KCNAB1: variants seen among roughly 807,000 people sequenced by gnomAD.
The protein encoded by KCNAB1 is potassium voltage-gated channel subfamily A regulatory beta subunit 1, also known as voltage-gated potassium channel subunit beta-1.
A neutral mutation model predicts 64.6 loss-of-function variants in KCNAB1; 35 were observed. The ratio of observed to expected loss-of-function variants is 0.54; its 90% CI spans 0.41 to 0.72. KCNAB1 has a LOEUF of 0.72. Among genes scored for constraint, KCNAB1 ranks in the 30% least tolerant of loss-of-function variants. The pLI, the probability that KCNAB1 is intolerant of heterozygous loss-of-function variation, is 0.00. For missense variants in KCNAB1, 401 were observed against 512.9 expected, an observed-to-expected ratio of 0.78 and a Z score of 2.11; for synonymous variants, 177 against 183.8, an observed-to-expected ratio of 0.96 and a Z score of 0.30.
intron 1 of KCNAB1, among the ~76,000 whole-genome samples, chr3:156,250,117 A>C (rs1717734560): frequency 6.6e-6 from 1 of 152,158 alleles, no homozygotes; most frequent in Non-Finnish European, 1.5e-5. Flanking sequence ...GCATCTTTGA[A>C]AGCTATTAGG....
At chr3:156,511,270 A>G (rs1717191069) in intron 8 of KCNAB1, among the ~76,000 whole-genome samples, 1 of 151,510 alleles carries the variant, frequency 6.6e-6, no homozygotes, top group Admixed American at 6.6e-5. Context: ...CGCCCGGCTA[A>G]TTTTCTGTAT....
At chr3:156,245,994 GC>G (rs1247986046) in intron 1 of KCNAB1, among the ~76,000 whole-genome samples, 1 of 151,794 alleles carries the variant, frequency 6.6e-6, no homozygotes, top group Non-Finnish European at 1.5e-5. Flanking sequence ...AAGACTAACA[GC>G]ATTTAAAAAG....
intron 13 of KCNAB1, among the ~76,000 whole-genome samples, chr3:156,535,577 C>T (rs994357281): frequency 2.0e-5 from 3 of 152,122 alleles, no homozygotes; most frequent in Non-Finnish European, 4.4e-5. Flanking sequence ...GTGGATATTC[C>T]ACAGGCACTT....
intron 1 of KCNAB1, among the ~76,000 whole-genome samples, chr3:156,249,858 A>G (rs1365731650): frequency 6.6e-6 from 1 of 152,234 alleles, no homozygotes; most frequent in Non-Finnish European, 1.5e-5. Context: ...CACTATGGAA[A>G]GGGGAGCACA....
intron 1 of KCNAB1, among the ~76,000 whole-genome samples, chr3:156,308,379 G>A (rs553702158): frequency 2.0e-4 from 31 of 152,300 alleles, no homozygotes; most frequent in African/African-American, 2.6e-4. Flanking sequence ...GATATTATCC[G>A]ACTTGGGCTT....
intron 1 of KCNAB1, among the ~76,000 whole-genome samples, chr3:156,145,018 G>A (rs1415675224): frequency 2.0e-5 from 3 of 152,154 alleles, no homozygotes; most frequent in Non-Finnish European, 2.9e-5. Context: ...CTGCTTGAGG[G>A]GAGCAGTCAT....
At chr3:156,140,314 G>A (rs1714633602) in intron 1 of KCNAB1, among the ~76,000 whole-genome samples, 1 of 152,084 alleles carries the variant, frequency 6.6e-6, no homozygotes, top group Non-Finnish European at 1.5e-5. Context: ...CTTAGTTCAG[G>A]CTGTTACCAT....
At chr3:156,467,399 A>T (rs1713496243) in intron 7 of KCNAB1, among the ~76,000 whole-genome samples, 1 of 152,138 alleles carries the variant, frequency 6.6e-6, no homozygotes, top group Non-Finnish European at 1.5e-5. Context: ...TCTCCTTTTT[A>T]AAAAATATTT....
chr3:156,301,088 G>A (rs887054551), intron 1 of KCNAB1, among the ~76,000 whole-genome samples: 4 of 152,170 alleles, frequency 2.6e-5, no homozygotes, highest in Non-Finnish European at 4.4e-5. Flanking sequence ...CATATCTACT[G>A]GAAAGCCCAT....
chr3:156,132,503 C>T (rs1007694237), intron 1 of KCNAB1, among the ~76,000 whole-genome samples: 3 of 152,174 alleles, frequency 2.0e-5, no homozygotes, highest in Non-Finnish European at 2.9e-5. Context: ...TATTCCTCCC[C>T]CATTCCATTG....
At chr3:156,157,725 G>GATA (rs1391117693) in intron 1 of KCNAB1, among the ~76,000 whole-genome samples, 2 of 151,944 alleles carry the variant, frequency 1.3e-5, no homozygotes, top group African/African-American at 4.8e-5. Context: ...AAATAACATA[G>GATA]ATATTATGCT....
rs1717418133 is a variant in KCNAB1, at chr3:156,245,774, A to G, written c.275+124888A>G. 2.6e-5 allele frequency among the ~76,000 whole-genome samples: 4 copies of G among 152,228 alleles called. No homozygotes were observed. In the South Asian group the frequency reaches 8.3e-4, roughly 32 times the overall value. ...TGCCCATGGACTGTAGGGTCAGCTA[A>G]CAAGGCTCTTTGTTTAGCTCACTGT... On this transcript the variant is annotated intron_variant, in intron 1 of 13. Transcript: ENST00000490337.
intron 1 of KCNAB1, among the ~76,000 whole-genome samples, chr3:156,350,229 A>T (rs1197128435): frequency 1.3e-5 from 2 of 152,184 alleles, no homozygotes; most frequent in African/African-American, 2.4e-5. Context: ...CAGATAAATG[A>T]GATAAAAAGC....
chr3:156,217,426 A>C (rs1715396420), intron 1 of KCNAB1, among the ~76,000 whole-genome samples: 1 of 152,260 alleles, frequency 6.6e-6, no homozygotes, highest in South Asian at 2.1e-4. Context: ...TACGAAAAAA[A>C]ATCATTTCCC....
intron 8 of KCNAB1, among the ~76,000 whole-genome samples, chr3:156,479,550 G>C (rs1434001039): frequency 6.6e-6 from 1 of 152,102 alleles, no homozygotes; most frequent in Non-Finnish European, 1.5e-5. Flanking sequence ...GTATAAGCCT[G>C]TACCACTTGT....
At chr3:156,357,627 C>A (rs1415153084) in intron 1 of KCNAB1, among the ~76,000 whole-genome samples, 1 of 151,958 alleles carries the variant, frequency 6.6e-6, no homozygotes, top group Non-Finnish European at 1.5e-5. Context: ...TTTAAGTTTT[C>A]TAGTAGCTGT....
At chr3:156,497,537 A>G (rs1214844523) in intron 8 of KCNAB1, among the ~76,000 whole-genome samples, 1 of 152,244 alleles carries the variant, frequency 6.6e-6, no homozygotes, top group African/African-American at 2.4e-5. Flanking sequence ...AAATCTCTAG[A>G]CAGGATAATA....
At chr3:156,302,467 T>A (rs537031682) in intron 1 of KCNAB1, among the ~76,000 whole-genome samples, 1 of 152,196 alleles carries the variant, frequency 6.6e-6, no homozygotes, top group South Asian at 2.1e-4. Context: ...TCCCCAACAC[T>A]TTTTCTAGAA....
At chr3:156,430,268 G>A (rs752847270) in intron 2 of KCNAB1, among the ~76,000 whole-genome samples, 23 of 152,152 alleles carry the variant, frequency 1.5e-4, no homozygotes, top group Non-Finnish European at 2.2e-4. Flanking sequence ...GGGAGAACTC[G>A]AGGAGAGAAA....
Sources: gnomAD v4.1 joint callset for allele counts (sites outside exome capture counted in the v4.1 genomes callset) on GRCh38, gnomAD v4.1.1 for gene constraint, MANE v1.5 for transcripts, NCBI Gene and HGNC (gene_info 2026-07-23, HGNC 2026-07-21) for gene names.